BBS9: variants seen among roughly 807,000 people sequenced by gnomAD.
BBS9 encodes the protein protein PTHB1.
A neutral mutation model predicts 117.7 loss-of-function variants in BBS9; 89 were observed. The ratio of observed to expected loss-of-function variants is 0.76; its 90% CI spans 0.64 to 0.90. BBS9 has a LOEUF of 0.90. Ranked by LOEUF, BBS9 falls within the 40% of genes least tolerant of loss-of-function variation. The pLI is 0.00. For synonymous variants in BBS9, 379 were observed against 370.9 expected (o/e 1.02, Z -0.25); for missense variants, 982 against 1,042.2 (o/e 0.94, Z 0.80).
At chr7:33,172,443 C>G (rs1796735479) in intron 4 of BBS9, among the ~76,000 whole-genome samples, 1 of 151,866 alleles carries the variant, frequency 6.6e-6, no homozygotes, top group Non-Finnish European at 1.5e-5. Context: ...TCATGTCCAC[C>G]TATGCAGACC....
At chr7:33,603,532 ACCT>A (rs1864120128) in intron 21 of BBS9, among the ~76,000 whole-genome samples, 1 of 152,032 alleles carries the variant, frequency 6.6e-6, no homozygotes. Context: ...TAATAATAAT[ACCT>A]ATTTCATGGT....
Position 33,534,186 on chromosome 7 carries a change from C to G in BBS9, c.2521+10C>G. ...ACCATGGTCATGCCAGGTAAGAGCT[C>G]TGTCCATGCTCCCTAATCACAATTG... On this transcript the variant is annotated intron_variant, in intron 21 of 22. Transcript: ENST00000242067. 1 of 1,610,930 alleles carries G rather than the reference C, an allele frequency of 6.2e-7. No individual in the cohort carries two copies. The highest frequency in any genetic ancestry group is 8.5e-7 in the Non-Finnish European group (1 of 1,177,334).
In BBS9 at chr7:33,278,043, C is replaced by G. The variant is rs1309930302; in HGVS notation, c.1016+4087C>G. On this transcript the variant is annotated intron_variant, in intron 9 of 22. Transcript: ENST00000242067. Reference sequence around the variant, plus strand: ...CTTAAACTATAGACTAAATGTCTCCCAAAGCTAGCCTAGCCTAAGCCTAGG... The same window carrying G: ...CTTAAACTATAGACTAAATGTCTCCGAAAGCTAGCCTAGCCTAAGCCTAGG... Among the ~76,000 whole-genome samples, 11 of 152,100 alleles carry G rather than the reference C, an allele frequency of 7.2e-5. No homozygotes were observed. The East Asian group carries it at 2.1e-3, about 29-fold the overall frequency.
At chr7:33,560,477 A>G (rs1343486717) in intron 21 of BBS9, among the ~76,000 whole-genome samples, 1 of 152,188 alleles carries the variant, frequency 6.6e-6, no homozygotes, top group African/African-American at 2.4e-5. Flanking sequence ...TTCATTAACT[A>G]TTATAAGATT....
chr7:33,145,402 A>G (rs891855045), intron 1 of BBS9, among the ~76,000 whole-genome samples: 1 of 152,180 alleles, frequency 6.6e-6, no homozygotes, highest in African/African-American at 2.4e-5. Flanking sequence ...CTCATTCTAG[A>G]TAAGAAATCA....
chr7:33,495,790 G>A (rs1005744561), intron 19 of BBS9, among the ~76,000 whole-genome samples: 13 of 152,174 alleles, frequency 8.5e-5, no homozygotes, highest in African/African-American at 2.4e-4. Context: ...ATTGGAGTTC[G>A]TTTCCTTTCA....
chr7:33,418,914 A>G (rs765701554), intron 19 of BBS9, among the ~76,000 whole-genome samples: 4 of 152,240 alleles, frequency 2.6e-5, no homozygotes, highest in Non-Finnish European at 5.9e-5. Context: ...TACAGCATTT[A>G]GTAGATCAAT....
intron 9 of BBS9, among the ~76,000 whole-genome samples, chr7:33,281,626 T>A (rs1801927700): frequency 6.6e-6 from 1 of 151,952 alleles, no homozygotes; most frequent in Non-Finnish European, 1.5e-5. Context: ...TTCTCCTGCC[T>A]CAACCTCTCA....
At chr7:33,613,526 A>G (rs1323615056) in intron 21 of BBS9, among the ~76,000 whole-genome samples, 1 of 151,882 alleles carries the variant, frequency 6.6e-6, no homozygotes, top group Non-Finnish European at 1.5e-5. Context: ...CTGTGAGGGG[A>G]GGGTTGGAAT....
intron 19 of BBS9, among the ~76,000 whole-genome samples, chr7:33,481,987 T>G (rs988630947): frequency 2.6e-5 from 4 of 152,214 alleles, no homozygotes; most frequent in Non-Finnish European, 5.9e-5. Flanking sequence ...GTCCACATCT[T>G]GAACTATTAT....
chr7:33,192,806 T>C (rs1177716269), intron 5 of BBS9, among the ~76,000 whole-genome samples: 2 of 152,190 alleles, frequency 1.3e-5, no homozygotes, highest in Non-Finnish European at 2.9e-5. Context: ...CACCTTGGTG[T>C]CCTCACATGG....
chr7:33,621,561 A>T (rs1339855042), intron 21 of BBS9, among the ~76,000 whole-genome samples: 1 of 152,206 alleles, frequency 6.6e-6, no homozygotes, highest in African/African-American at 2.4e-5. Context: ...GAGTAAAAGG[A>T]ACCCTTGCAC....
chr7:33,234,845 G>A (rs1793179528), intron 5 of BBS9, among the ~76,000 whole-genome samples: 3 of 151,998 alleles, frequency 2.0e-5, no homozygotes, highest in Admixed American at 6.6e-5. Context: ...CAAGGGAATG[G>A]AGAAAAAGTT....
intron 19 of BBS9, among the ~76,000 whole-genome samples, chr7:33,426,857 G>A (rs1310846175): frequency 6.6e-6 from 1 of 152,104 alleles, no homozygotes; most frequent in East Asian, 1.9e-4. Context: ...GGACTAGTCA[G>A]TGCCTTTGTT....
intron 21 of BBS9, among the ~76,000 whole-genome samples, chr7:33,594,952 G>A (rs1585406559): frequency 6.6e-6 from 1 of 152,108 alleles, no homozygotes; most frequent in African/African-American, 2.4e-5. Context: ...AAGCAATGGG[G>A]AAAGGATTTA....
At chr7:33,159,589 A>G (rs1794552089) in intron 4 of BBS9, among the ~76,000 whole-genome samples, 1 of 152,204 alleles carries the variant, frequency 6.6e-6, no homozygotes, top group Non-Finnish European at 1.5e-5. Flanking sequence ...TCCCCCTTTT[A>G]GTCAGGTTCT....
chr7:33,255,589 G>C (rs574148173), intron 5 of BBS9, among the ~76,000 whole-genome samples: 2 of 152,146 alleles, frequency 1.3e-5, no homozygotes. Flanking sequence ...GATGCCCTTA[G>C]TGGGACCTGG....
chr7:33,417,336 C>T (rs894429542), intron 19 of BBS9, among the ~76,000 whole-genome samples: 51 of 152,144 alleles, frequency 3.4e-4, no homozygotes, highest in African/African-American at 1.1e-3. Context: ...CTTGAATACT[C>T]TACTAATAGA....
At chr7:33,411,721 A>G (rs1831175474) in intron 19 of BBS9, among the ~76,000 whole-genome samples, 1 of 152,160 alleles carries the variant, frequency 6.6e-6, no homozygotes, top group Admixed American at 6.5e-5. Flanking sequence ...TACTAGGGAA[A>G]AAACCTCTTA....
Sources: allele counts gnomAD v4.1 joint callset (sites outside exome capture counted in the v4.1 genomes callset), GRCh38; gene constraint gnomAD v4.1.1; transcripts MANE v1.5; gene names NCBI Gene and HGNC (gene_info 2026-07-23, HGNC 2026-07-21).